Variants in MGMT observed in about 807,000 individuals in gnomAD.
MGMT encodes the protein O-6-methylguanine-DNA methyltransferase.
MGMT carries 14 observed loss-of-function variants against 15.9 expected under a neutral mutation model. The observed-to-expected ratio is 0.88, with a 90% CI of 0.58 to 1.37. MGMT has a LOEUF of 1.37. Ranked by LOEUF, MGMT falls within the 40% of genes most tolerant of loss-of-function variation. MGMT has a pLI of 0.00. For synonymous variants in MGMT, 130 were observed against 118.2 expected, an observed-to-expected ratio of 1.10 and a Z score of -0.65; for missense variants, 282 against 268.1, an observed-to-expected ratio of 1.05 and a Z score of -0.36.
At chr10:129,660,070 A>C (rs1287008204) in intron 2 of MGMT, among the ~76,000 whole-genome samples, 3 of 152,212 alleles carry the variant, frequency 2.0e-5, no homozygotes, top group Non-Finnish European at 4.4e-5. Context: ...TGCCAATTCC[A>C]ACAGCCATTT....
intron 1 of MGMT, among the ~76,000 whole-genome samples, chr10:129,528,669 G>A (rs892012003): frequency 1.3e-5 from 2 of 152,240 alleles, no homozygotes; most frequent in East Asian, 1.9e-4. Context: ...TGGTGGCGGA[G>A]TGGCCGTGGA....
At chr10:129,494,514 A>G (rs1444859627) in intron 1 of MGMT, among the ~76,000 whole-genome samples, 3 of 152,320 alleles carry the variant, frequency 2.0e-5, no homozygotes, top group Non-Finnish European at 4.4e-5. Context: ...GTGCAATGAC[A>G]GGATTGGCCA....
chr10:129,762,132 C>T (rs1231616123), intron 4 of MGMT, among the ~76,000 whole-genome samples: 2 of 152,214 alleles, frequency 1.3e-5, no homozygotes, highest in African/African-American at 2.4e-5. Context: ...TTGGCGCTGA[C>T]AGCAGTGTCC....
intron 3 of MGMT, among the ~76,000 whole-genome samples, chr10:129,732,497 T>A (rs1031911447): frequency 6.6e-6 from 1 of 152,114 alleles, no homozygotes; most frequent in Non-Finnish European, 1.5e-5. Context: ...TCCTTTTTTA[T>A]GGCTGCATGG....
intron 2 of MGMT, among the ~76,000 whole-genome samples, chr10:129,608,358 C>T (rs1168758496): frequency 2.0e-5 from 3 of 152,204 alleles, no homozygotes; most frequent in African/African-American, 4.8e-5. Context: ...GGAGGAACTC[C>T]GGGTTTGCGC....
chr10:129,679,345 G>A (rs1407242885), intron 2 of MGMT, among the ~76,000 whole-genome samples: 2 of 151,290 alleles, frequency 1.3e-5, no homozygotes, highest in South Asian at 2.1e-4. Flanking sequence ...CGTGAGGTCC[G>A]AGTCGCTGTG....
intron 1 of MGMT, among the ~76,000 whole-genome samples, chr10:129,498,362 A>G (rs1430196310): frequency 6.6e-6 from 1 of 152,196 alleles, no homozygotes; most frequent in Non-Finnish European, 1.5e-5. Flanking sequence ...TCACCCACTC[A>G]TCTTAGTGAC....
At chr10:129,687,843 C>T (rs535175761) in intron 2 of MGMT, among the ~76,000 whole-genome samples, 1 of 151,940 alleles carries the variant, frequency 6.6e-6, no homozygotes, top group East Asian at 1.9e-4. Context: ...GCTATCCCTC[C>T]CCCAGCCCCC....
At chr10:129,467,414 A>AC in intron 1 of MGMT, 118 bp downstream of exon 1, 1 of 1,358,352 alleles carries the variant, frequency 7.4e-7, no homozygotes, top group Non-Finnish European at 9.5e-7. Flanking sequence ...GGCCGCCCTG[A>AC]CCCCCACCCA....
intron 1 of MGMT, among the ~76,000 whole-genome samples, chr10:129,526,542 T>C (rs1292756383): frequency 6.6e-6 from 1 of 152,206 alleles, no homozygotes; most frequent in Non-Finnish European, 1.5e-5. Context: ...TTTTATGTTT[T>C]TGAGGTGTGG....
chr10:129,627,935 G>C (rs1847169398), intron 2 of MGMT, among the ~76,000 whole-genome samples: 1 of 152,174 alleles, frequency 6.6e-6, no homozygotes, highest in African/African-American at 2.4e-5. Context: ...GTTGTGTCCT[G>C]AGTTAGCCTT....
At chr10:129,577,541 T>C (rs542580950) in intron 2 of MGMT, among the ~76,000 whole-genome samples, 190 of 152,276 alleles carry the variant, frequency 1.2e-3, no homozygotes, top group African/African-American at 4.2e-3. Flanking sequence ...TAATTCAAGA[T>C]GGATTAAAGA....
chr10:129,713,176 G>C (rs1263381662), intron 3 of MGMT, among the ~76,000 whole-genome samples: 1 of 152,180 alleles, frequency 6.6e-6, no homozygotes, highest in Admixed American at 6.5e-5. Context: ...GCCACCACGT[G>C]TGGGTGGCCA....
chr10:129,535,787 T>C (rs1445684897), intron 1 of MGMT, among the ~76,000 whole-genome samples: 1 of 152,262 alleles, frequency 6.6e-6, no homozygotes, highest in African/African-American at 2.4e-5. Context: ...TCTCTGTTTT[T>C]GTAAGTCATT....
chr10:129,627,733 G>A (rs924953276), intron 2 of MGMT, among the ~76,000 whole-genome samples: 1 of 152,144 alleles, frequency 6.6e-6, no homozygotes, highest in Non-Finnish European at 1.5e-5. Context: ...GTTTCCACTG[G>A]GAATTATTGC....
intron 2 of MGMT, among the ~76,000 whole-genome samples, chr10:129,688,947 G>A (rs143811039): frequency 1.4e-4 from 22 of 151,890 alleles, no homozygotes; most frequent in South Asian, 6.2e-4. Flanking sequence ...TTTAGAAAAT[G>A]TGTTCTTTTC....
intron 3 of MGMT, among the ~76,000 whole-genome samples, chr10:129,713,020 G>A (rs1189431081): frequency 2.6e-5 from 4 of 152,186 alleles, no homozygotes; most frequent in African/African-American, 9.7e-5. Context: ...CAGCCAAGAG[G>A]GGATGTTTTT....
chr10:129,520,427 T>C (rs1026732669), intron 1 of MGMT, among the ~76,000 whole-genome samples: 5 of 152,082 alleles, frequency 3.3e-5, no homozygotes, highest in African/African-American at 1.2e-4. Flanking sequence ...ACCGTGCGCA[T>C]ACAGAGCCCC....
intron 2 of MGMT, among the ~76,000 whole-genome samples, chr10:129,576,396 A>C (rs563325890): frequency 6.6e-6 from 1 of 152,368 alleles, no homozygotes; most frequent in African/African-American, 2.4e-5. Flanking sequence ...CAAATCAATA[A>C]ATGTAATCCA....
Sources: gnomAD v4.1 joint callset for allele counts (sites outside exome capture counted in the v4.1 genomes callset) on GRCh38, gnomAD v4.1.1 for gene constraint, MANE v1.5 for transcripts, NCBI Gene and HGNC (gene_info 2026-07-23, HGNC 2026-07-21) for gene names.